The following DMD variants were observed in gnomAD, a reference collection of about 807,000 sequenced individuals.
DMD encodes the protein dystrophin, also known as mutant dystrophin.
Under a neutral mutation model 330.1 loss-of-function variants are expected in DMD, and 63 were observed. The ratio of observed to expected loss-of-function variants is 0.19; its 90% CI spans 0.16 to 0.24. DMD has a LOEUF of 0.24. Ranked by LOEUF, DMD falls within the 10% of genes least tolerant of loss-of-function variation. The pLI, the probability that DMD is intolerant of heterozygous loss-of-function variation, is 1.00. For synonymous variants in DMD, 1,223 were observed against 959.8 expected, an observed-to-expected ratio of 1.27 and a Z score of -5.07; for missense variants, 3,344 against 2,684.1, an observed-to-expected ratio of 1.25 and a Z score of -5.43.
At chrX:31,538,542 T>A (rs2073582502) in intron 55 of DMD, among the ~76,000 whole-genome samples, 1 of 112,130 alleles carries the variant, frequency 8.9e-6, no homozygotes, top group Non-Finnish European at 1.9e-5. Context: ...CCAGAAGATA[T>A]CCCACAGCAG....
chrX:31,371,636 T>A (rs901855559), intron 60 of DMD, among the ~76,000 whole-genome samples: 12 of 111,032 alleles, frequency 1.1e-4, no homozygotes, highest in African/African-American at 3.9e-4. Context: ...CACATCTGGA[T>A]TGAGGGAATC....
At position 31,153,597 on chromosome X, in the gene DMD, T is replaced by G. The variant is rs1392357307; in HGVS notation, c.10554-6079A>C. Among the ~76,000 whole-genome samples the G allele has an allele frequency of 2.7e-5, 3 of 112,070 alleles. No individual in the cohort carries two copies. The East Asian group carries it at 8.3e-4, about 31-fold the overall frequency. ...GATAAATGGTAGGAGCAGAGAAAGATGCCTTCAAGCAAGAGCTAATGTTAT... is the reference window on the plus strand; with the variant it reads ...GATAAATGGTAGGAGCAGAGAAAGAGGCCTTCAAGCAAGAGCTAATGTTAT... On this transcript the variant is annotated intron_variant, in intron 74 of 78. Coordinates refer to ENST00000357033, the MANE Select transcript of DMD (RefSeq NM_004006.3).
At chrX:31,854,310 T>C (rs1354548364) in intron 48 of DMD, among the ~76,000 whole-genome samples, 1 of 111,803 alleles carries the variant, frequency 8.9e-6, no homozygotes, top group Non-Finnish European at 1.9e-5. Flanking sequence ...AAAAATAAAA[T>C]AACAATGCAT....
At chrX:31,371,188 G>C (rs1415360166) in intron 60 of DMD, among the ~76,000 whole-genome samples, 2 of 111,071 alleles carry the variant, frequency 1.8e-5, no homozygotes, top group South Asian at 7.7e-4. Context: ...AAAAAGGTAT[G>C]TGGAGTCCGT....
At chrX:31,480,117 T>A (rs1222826558) in intron 57 of DMD, among the ~76,000 whole-genome samples, 4 of 112,332 alleles carry the variant, frequency 3.6e-5, no homozygotes, top group African/African-American at 9.7e-5. Flanking sequence ...GTAACTTTTT[T>A]CAACTCTGTC....
chrX:32,480,475 T>C (rs1489846836), intron 21 of DMD, among the ~76,000 whole-genome samples: 1 of 109,901 alleles, frequency 9.1e-6, no homozygotes, highest in Non-Finnish European at 1.9e-5. Context: ...CGTGTGTACA[T>C]ACACAGTATG....
chrX:32,266,915 T>A (rs2097346770), intron 43 of DMD, among the ~76,000 whole-genome samples: 1 of 111,922 alleles, frequency 8.9e-6, no homozygotes, highest in South Asian at 3.8e-4. Context: ...TTCTCCCCTT[T>A]AGCTATGCGG....
At chrX:31,530,378 G>C (rs915148671) in intron 55 of DMD, among the ~76,000 whole-genome samples, 2 of 111,961 alleles carry the variant, frequency 1.8e-5, no homozygotes, top group East Asian at 5.6e-4. Flanking sequence ...GAAGACACTG[G>C]AAGGGGAAAC....
chrX:31,189,288 G>A (rs1009020692), intron 67 of DMD, among the ~76,000 whole-genome samples: 1 of 111,427 alleles, frequency 9.0e-6, no homozygotes, highest in Non-Finnish European at 1.9e-5. Flanking sequence ...AATTAGTACA[G>A]TCATCCCTCA....
intron 1 of DMD, among the ~76,000 whole-genome samples, chrX:33,221,469 A>T (rs2052174894): frequency 8.9e-6 from 1 of 111,771 alleles, no homozygotes; most frequent in Non-Finnish European, 1.9e-5. Context: ...ACTAGACAAG[A>T]TGAAAAGTCT....
At chrX:31,778,631 C>A (rs1267844376) in intron 50 of DMD, among the ~76,000 whole-genome samples, 2 of 86,742 alleles carry the variant, frequency 2.3e-5, no homozygotes, top group Non-Finnish European at 4.2e-5. Flanking sequence ...AGTGCAGTGG[C>A]GTGATCTCAG....
chrX:31,386,341 G>A (rs1049279397), intron 60 of DMD, among the ~76,000 whole-genome samples: 1 of 111,160 alleles, frequency 9.0e-6, no homozygotes, highest in African/African-American at 3.3e-5. Context: ...AAACCTGCAC[G>A]TTGTGCACAT....
intron 41 of DMD, among the ~76,000 whole-genome samples, chrX:32,338,572 C>T (rs2097726332): frequency 1.8e-5 from 2 of 110,704 alleles, no homozygotes; most frequent in African/African-American, 6.6e-5. Flanking sequence ...GGTGATTATC[C>T]TCTTATCTCT....
intron 49 of DMD, among the ~76,000 whole-genome samples, chrX:31,829,895 CAA>C (rs1366445506): frequency 8.9e-6 from 1 of 112,178 alleles, no homozygotes; most frequent in Non-Finnish European, 1.9e-5. Flanking sequence ...CAACTGAGGA[CAA>C]GAGGTGAAAT....
chrX:32,639,693 A>G (rs1318114964), intron 11 of DMD, among the ~76,000 whole-genome samples: 2 of 112,117 alleles, frequency 1.8e-5, no homozygotes, highest in African/African-American at 6.5e-5. Context: ...TATGAAGGAG[A>G]AAGAAAGGAG....
At chrX:31,510,657 G>C in intron 55 of DMD, among the ~76,000 whole-genome samples, 2 of 108,848 alleles carry the variant, frequency 1.8e-5, no homozygotes, top group South Asian at 8.3e-4. Flanking sequence ...ATAGGCGCCC[G>C]CCACCACGCC....
At chrX:31,275,352 T>C (rs1167578307) in intron 62 of DMD, among the ~76,000 whole-genome samples, 1 of 111,393 alleles carries the variant, frequency 9.0e-6, no homozygotes, top group Non-Finnish European at 1.9e-5. Flanking sequence ...AATTCAAAAA[T>C]GTATTTGGCC....
intron 17 of DMD, among the ~76,000 whole-genome samples, chrX:32,518,997 CTTTTTTTTTTTTT>C (rs56678455): frequency 5.2e-4 from 22 of 42,085 alleles, no homozygotes; most frequent in South Asian, 3.1e-3. Flanking sequence ...ATTTTCAAAC[CTTTTTTTTTTTTT>C]TTTTTTTTTT....
intron 63 of DMD, among the ~76,000 whole-genome samples, chrX:31,235,189 T>A (rs1444101889): frequency 8.9e-6 from 1 of 111,970 alleles, no homozygotes; most frequent in Non-Finnish European, 1.9e-5. Flanking sequence ...ATGAGGATGC[T>A]TATGTACATA....
Sources: gnomAD v4.1 joint callset for allele counts (sites outside exome capture counted in the v4.1 genomes callset) on GRCh38, gnomAD v4.1.1 for gene constraint, MANE v1.5 for transcripts, NCBI Gene and HGNC (gene_info 2026-07-23, HGNC 2026-07-21) for gene names.